Variants in SRP14 observed in about 807,000 individuals in gnomAD.
SRP14 encodes signal recognition particle 14 kDa protein.
A neutral mutation model predicts 16.0 loss-of-function variants in SRP14; 1 was observed. That is an observed-to-expected ratio of 0.06 (90% CI 0.02 to 0.30). The LOEUF is 0.30. Ranked by LOEUF, SRP14 falls within the 10% of genes least tolerant of loss-of-function variation. SRP14 has a pLI of 1.00. For synonymous variants in SRP14, 67 were observed against 60.1 expected, an observed-to-expected ratio of 1.12 and a Z score of -0.53; for missense variants, 120 against 163.1, an observed-to-expected ratio of 0.74 and a Z score of 1.44.
chr15:40,037,278 G>GAAAAAAAA, intron 3 of SRP14: 1 of 193,392 alleles, frequency 5.2e-6, no homozygotes, highest in Non-Finnish European at 6.7e-6. Context: ...CTCCTTTTGG[G>GAAAAAAAA]GAAAAAAAAA....
chr15:40,036,566 C>A (rs188839547), intron 4 of SRP14, 66 bp from the exon 5 acceptor site: 2 of 1,525,334 alleles, frequency 1.3e-6, no homozygotes, highest in African/African-American at 2.7e-5. Context: ...CCAGCCCTAT[C>A]TGCATAATGG....
chr15:40,038,176 C>T (rs1036805933), intron 3 of SRP14, 106 bp downstream of exon 3: 1 of 891,280 alleles, frequency 1.1e-6, no homozygotes, highest in Admixed American at 2.4e-5. Flanking sequence ...AATAGCCACA[C>T]AGGGCAAAAG....
chr15:40,039,119 C>G lies in SRP14; in HGVS notation c.-3G>C, dbSNP rs751337252. The G allele has an allele frequency of 3.7e-6, 6 of 1,611,412 alleles. No individual in the cohort carries two copies. Among genetic ancestry groups the G allele is most frequent in the Non-Finnish European group, 5.1e-6 (6 of 1,179,286 alleles). ...TGCTCGCTCTCCAACAACACCATCG[C>G]GGCGACGCTGGCTCGACTCCCTCCG... is the stretch of plus-strand genomic sequence containing the variant. On this transcript the variant is annotated 5_prime_UTR_variant, in exon 1 of 5. Coordinates refer to ENST00000267884, the MANE Select transcript of SRP14 (RefSeq NM_003134.6).
At chr15:40,037,278 G>GTAAAAA in intron 3 of SRP14, 2 of 193,378 alleles carry the variant, frequency 1.0e-5, no homozygotes, top group African/African-American at 1.5e-4. Flanking sequence ...CTCCTTTTGG[G>GTAAAAA]GAAAAAAAAA....
intron 3 of SRP14, 65 bp downstream of exon 3, chr15:40,038,217 C>A: frequency 7.7e-7 from 1 of 1,302,022 alleles, no homozygotes; most frequent in Non-Finnish European, 1.1e-6. Flanking sequence ...GGTTCAGAAA[C>A]GCCCCATCCT....
intron 3 of SRP14, among the ~76,000 whole-genome samples, chr15:40,037,897 G>C (rs963936744): frequency 6.6e-6 from 1 of 152,156 alleles, no homozygotes; most frequent in African/African-American, 2.4e-5. Context: ...CTAACATCTA[G>C]CTGCACATTC....
At chr15:40,036,523 C>G (rs1224358014) in intron 4 of SRP14, 23 bp from the exon 5 acceptor site, 1 of 1,604,526 alleles carries the variant, frequency 6.2e-7, no homozygotes, top group Admixed American at 1.7e-5. Context: ...ACAGAGCATA[C>G]CTTAGTGGGA....
At position 40,039,108 on chromosome 15, in the gene SRP14, C is replaced by A; in HGVS notation, c.9G>T (p.Leu3Phe). 1 of 1,612,770 alleles carries A rather than the reference C, an allele frequency of 6.2e-7. No homozygotes were observed. The highest frequency in any genetic ancestry group is 8.5e-7 in the Non-Finnish European group (1 of 1,179,678). MV[L>F]LESEQFLTEL... is the part of the protein sequence containing the mutation. The stretch of plus-strand genomic sequence containing the variant: ...CTAGCCATACCTGCTCGCTCTCCAA[C>A]AACACCATCGCGGCGACGCTGGCTC... The change falls in exon 1 of 5, where the codon TTG becomes TTT. Residue 3 changes from leucine to phenylalanine, a missense_variant. Coordinates refer to ENST00000267884, the MANE Select transcript of SRP14 (RefSeq NM_003134.6).
At position 40,036,117 on chromosome 15, in the gene SRP14, G is replaced by A; in HGVS notation, c.*216C>T. ...GAGACTTTTAATCTATAATCCAGGA[G>A]TATATAACCATGCAGCACAGACCAA... is the stretch of plus-strand genomic sequence containing the variant. On this transcript the variant is annotated 3_prime_UTR_variant, in exon 5 of 5. Coordinates refer to ENST00000267884, the MANE Select transcript of SRP14 (RefSeq NM_003134.6). The A allele has an allele frequency of 5.6e-6, 4 of 714,930 alleles. No homozygotes were observed. The highest frequency in any genetic ancestry group is 6.8e-6 in the Non-Finnish European group (3 of 441,820). The allele number at this position is 714,930 out of a possible 1,614,324, so 44.3% of individuals were successfully genotyped here.
upstream of SRP14, chr15:40,039,184 G>C (rs961221173): frequency 1.3e-6 from 2 of 1,558,502 alleles, no homozygotes; most frequent in Non-Finnish European, 1.7e-6. Flanking sequence ...TTCGGCCTAG[G>C]CTGGGCGGGA....
intron 4 of SRP14, 164 bp downstream of exon 4, chr15:40,036,822 C>G: frequency 1.3e-6 from 1 of 767,660 alleles, no homozygotes; most frequent in Non-Finnish European, 2.2e-6. Flanking sequence ...GAAAGGAAGA[C>G]GGTATTAGCA....
rs745445460 is a variant in SRP14, at chr15:40,036,930, C to G, written c.243+56G>C. 6 of 1,592,932 alleles carry G rather than the reference C, an allele frequency of 3.8e-6. No homozygotes were observed. The South Asian group carries it at 6.6e-5, about 18-fold the overall frequency. On this transcript the variant is annotated intron_variant, in intron 4 of 4. Coordinates refer to ENST00000267884, the MANE Select transcript of SRP14 (RefSeq NM_003134.6). ...AAGTATCAATCTTACCCAGTGTTCA[C>G]TATCATACTGACTCTTGCCCTGAGA...
At position 40,038,399 on chromosome 15, in the gene SRP14, A is replaced by G. The variant is rs1383654299; in HGVS notation, c.98-5T>C. On this transcript the variant is annotated splice_region_variant and splice_polypyrimidine_tract_variant and intron_variant, in intron 2 of 4. Coordinates refer to ENST00000267884, the MANE Select transcript of SRP14 (RefSeq NM_003134.6). ...TGGGTTTGGTTCGACCGTCATCTGA[A>G]GGAAAAAATGCATCCTGGTGAACAC... 1 of 1,601,602 alleles carries G rather than the reference A, an allele frequency of 6.2e-7. No homozygotes were observed.
At chr15:40,038,763 G>A in intron 2 of SRP14, 113 bp downstream of exon 2, 1 of 1,174,982 alleles carries the variant, frequency 8.5e-7, no homozygotes, top group Non-Finnish European at 1.2e-6. Context: ...AATGTGCTCA[G>A]TACAGGGTGG....
At position 40,037,374 on chromosome 15, in the gene SRP14, C is replaced by CTTCTCAGTA; in HGVS notation, c.211-365_211-357dup. Reference sequence around the variant, plus strand: ...CTGGGTTCTGAGAAAAGTCAGAGGACTTCTCAGTATTAATTTTTTATACAT... The same window carrying CTTCTCAGTA: ...CTGGGTTCTGAGAAAAGTCAGAGGACTTCTCAGTATTCTCAGTATTAATTTTTTATACAT... On this transcript the variant is annotated intron_variant, in intron 3 of 4. Transcript: ENST00000267884. 3.2e-6 allele frequency: 4 copies of CTTCTCAGTA among 1,269,624 alleles called. No individual in the cohort carries two copies. In the South Asian group the frequency reaches 5.6e-5, roughly 18 times the overall value. The allele number at this position is 1,269,624 out of a possible 1,614,324, so 78.6% of individuals were successfully genotyped here. A position where few individuals can be genotyped will look rare whatever the true frequency, so the allele number is the denominator to read the frequency against.
At chr15:40,037,160 C>T in intron 3 of SRP14, 142 bp from the exon 4 acceptor site, 1 of 1,242,882 alleles carries the variant, frequency 8.0e-7, no homozygotes, top group Non-Finnish European at 1.1e-6. Flanking sequence ...GTTCATAATA[C>T]ACGAATGGTT....
At chr15:40,038,597 G>A (rs1326745881) in intron 2 of SRP14, 7 of 607,920 alleles carry the variant, frequency 1.2e-5, no homozygotes, top group African/African-American at 1.9e-5. Flanking sequence ...TAATATCGAA[G>A]CACGTTAAAT....
chr15:40,036,420 T>G lies in SRP14; in HGVS notation c.324A>C (p.Ala108=). 1.2e-6 allele frequency: 2 copies of G among 1,614,188 alleles called. No individual in the cohort carries two copies. The highest frequency in any genetic ancestry group is 1.7e-6 in the Non-Finnish European group (2 of 1,180,030). The change falls in exon 5 of 5, where the codon GCA becomes GCC. Residue 108 remains alanine, a synonymous_variant. Transcript: ENST00000267884. ...DKKNKTKKTK[A]AAAAAAAAPA... ...GTGCTGCTGCTGCTGCTGCTGCTGC[T>G]GCTTTGGTCTTCTTAGTTTTGTTCT...
rs757559937 is a variant in SRP14, at chr15:40,036,408, T to G, written c.336A>C (p.Ala112=). ...KTKKTKAAAA[A]AAAAPAAAAT... ...CTGCTGCGGCAGGTGCTGCTGCTGC[T>G]GCTGCTGCTGCTGCTTTGGTCTTCT... Residue 112 remains alanine, a synonymous_variant, in exon 5 of 5, where the codon GCA becomes GCC. Transcript: ENST00000267884. 3 of 1,613,698 alleles carry G rather than the reference T, an allele frequency of 1.9e-6. No individual in the cohort carries two copies. In the South Asian group the frequency reaches 3.3e-5, roughly 18 times the overall value.
Sources: gnomAD v4.1 joint callset for allele counts (sites outside exome capture counted in the v4.1 genomes callset) on GRCh38, gnomAD v4.1.1 for gene constraint, MANE v1.5 for transcripts, NCBI Gene and HGNC (gene_info 2026-07-23, HGNC 2026-07-21) for gene names.